PARD3: variants seen among roughly 807,000 people sequenced by gnomAD.
PARD3 encodes partitioning defective 3 homolog.
A neutral mutation model predicts 155.4 loss-of-function variants in PARD3; 75 were observed. The observed-to-expected ratio is 0.48, with a 90% CI of 0.40 to 0.58. The LOEUF is 0.58. Among genes scored for constraint, PARD3 ranks in the 20% least tolerant of loss-of-function variants. PARD3 has a pLI of 0.00. For synonymous variants in PARD3, 576 were observed against 610.5 expected (o/e 0.94, Z 0.83); for missense variants, 1,642 against 1,721.7 (o/e 0.95, Z 0.82).
At chr10:34,717,060 T>C (rs1326527748) in intron 1 of PARD3, among the ~76,000 whole-genome samples, 1 of 152,138 alleles carries the variant, frequency 6.6e-6, no homozygotes, top group Non-Finnish European at 1.5e-5. Flanking sequence ...TACCAAAAGA[T>C]TGGACCCCCC....
intron 21 of PARD3, among the ~76,000 whole-genome samples, chr10:34,270,121 T>C (rs1443288643): frequency 6.0e-5 from 9 of 151,100 alleles, no homozygotes. Context: ...GTCTACAAGA[T>C]TGCAGTCATA....
intron 3 of PARD3, among the ~76,000 whole-genome samples, chr10:34,483,704 T>C (rs1167537361): frequency 6.6e-6 from 1 of 152,134 alleles, no homozygotes; most frequent in Non-Finnish European, 1.5e-5. Context: ...CCCAAAACAG[T>C]GCCCGGAAAA....
intron 4 of PARD3, among the ~76,000 whole-genome samples, chr10:34,452,116 TA>T (rs2077095124): frequency 6.6e-6 from 1 of 152,152 alleles, no homozygotes; most frequent in Non-Finnish European, 1.5e-5. Flanking sequence ...GTATAACTTT[TA>T]TGTCAAAAAT....
intron 5 of PARD3, among the ~76,000 whole-genome samples, chr10:34,422,868 A>G (rs965013651): frequency 3.9e-5 from 6 of 152,300 alleles, no homozygotes; most frequent in African/African-American, 1.4e-4. Context: ...GAAAAAGGGT[A>G]TAGGGGTTCT....
intron 2 of PARD3, among the ~76,000 whole-genome samples, chr10:34,580,289 T>G (rs1397235621): frequency 1.3e-5 from 2 of 152,064 alleles, no homozygotes; most frequent in African/African-American, 4.8e-5. Flanking sequence ...ATCCCAGCAT[T>G]TTGGGAGGCC....
At chr10:34,372,721 ATGTG>A (rs797015694) in intron 11 of PARD3, among the ~76,000 whole-genome samples, 185 bp from the exon 12 acceptor site, 1 of 152,056 alleles carries the variant, frequency 6.6e-6, no homozygotes, top group Non-Finnish European at 1.5e-5. Context: ...GTGTGTGTTT[ATGTG>A]TGTGTTTTAA....
intron 1 of PARD3, among the ~76,000 whole-genome samples, chr10:34,768,079 AC>A (rs1293043773): frequency 6.6e-6 from 1 of 152,154 alleles, no homozygotes; most frequent in Non-Finnish European, 1.5e-5. Flanking sequence ...GTCAGTCCTC[AC>A]TTAACTAGAC....
At chr10:34,111,629 A>C (rs181609420) in intron 24 of PARD3, 67 bp from the exon 25 acceptor site, 1 of 1,305,866 alleles carries the variant, frequency 7.7e-7, no homozygotes, top group East Asian at 2.3e-5. Flanking sequence ...GAAAGGGGGC[A>C]GGATGGGATG....
chr10:34,366,678 A>G (rs919329640), intron 12 of PARD3, among the ~76,000 whole-genome samples: 4 of 152,240 alleles, frequency 2.6e-5, no homozygotes, highest in Non-Finnish European at 5.9e-5. Flanking sequence ...ATCTGAGACA[A>G]TATGAACAAC....
At chr10:34,150,330 T>C (rs941996658) in intron 22 of PARD3, among the ~76,000 whole-genome samples, 1 of 152,146 alleles carries the variant, frequency 6.6e-6, no homozygotes, top group African/African-American at 2.4e-5. Context: ...AGATATAGCT[T>C]TGGCAGTCAT....
chr10:34,312,155 C>A, intron 20 of PARD3: 3 of 930,766 alleles, frequency 3.2e-6, no homozygotes, highest in South Asian at 1.8e-5. Flanking sequence ...AATTTAAACC[C>A]CAAGCTTGAA....
At chr10:34,548,214 C>A (rs976989971) in intron 2 of PARD3, among the ~76,000 whole-genome samples, 6 of 152,096 alleles carry the variant, frequency 3.9e-5, no homozygotes, top group South Asian at 4.1e-4. Context: ...GGCAGGCGGG[C>A]GTGGTGGCTC....
At chr10:34,499,044 G>A (rs2080485653) in intron 3 of PARD3, among the ~76,000 whole-genome samples, 1 of 152,146 alleles carries the variant, frequency 6.6e-6, no homozygotes, top group Non-Finnish European at 1.5e-5. Context: ...GATGAGTCCA[G>A]AGGAAGACAT....
chr10:34,317,901 T>G (rs563771963), intron 19 of PARD3, among the ~76,000 whole-genome samples: 2 of 152,170 alleles, frequency 1.3e-5, no homozygotes, highest in Non-Finnish European at 2.9e-5. Context: ...CTACAACAGA[T>G]CTGCACAGCC....
chr10:34,436,338 G>T (rs2076185934), intron 5 of PARD3, among the ~76,000 whole-genome samples: 2 of 152,212 alleles, frequency 1.3e-5, no homozygotes, highest in Admixed American at 6.5e-5. Flanking sequence ...CAGCCTGTAT[G>T]TTGGCCAACT....
chr10:34,313,137 G>T (rs984282178), intron 20 of PARD3, among the ~76,000 whole-genome samples: 1 of 152,106 alleles, frequency 6.6e-6, no homozygotes, highest in Non-Finnish European at 1.5e-5. Context: ...TACAATTGAA[G>T]AATTCTCAGA....
intron 22 of PARD3, among the ~76,000 whole-genome samples, chr10:34,157,814 T>C (rs973115152): frequency 2.6e-5 from 4 of 152,186 alleles, no homozygotes; most frequent in Non-Finnish European, 5.9e-5. Context: ...AAAACAAGCA[T>C]AATACTGTTA....
intron 2 of PARD3, among the ~76,000 whole-genome samples, chr10:34,603,555 G>A (rs2089971501): frequency 6.6e-6 from 1 of 152,126 alleles, no homozygotes; most frequent in South Asian, 2.1e-4. Context: ...TTGGGCAAAG[G>A]GGTTTCCAAG....
chr10:34,248,688 T>C (rs1337654622), intron 22 of PARD3, among the ~76,000 whole-genome samples: 2 of 152,118 alleles, frequency 1.3e-5, no homozygotes, highest in Admixed American at 6.5e-5. Context: ...GGTAGAAAAA[T>C]GGCTGTGAAG....
Sources: allele counts gnomAD v4.1 joint callset (sites outside exome capture counted in the v4.1 genomes callset), GRCh38; gene constraint gnomAD v4.1.1; transcripts MANE v1.5; gene names NCBI Gene and HGNC (gene_info 2026-07-23, HGNC 2026-07-21).